Variants in LIN28B observed in about 807,000 individuals in gnomAD.
LIN28B encodes the protein protein lin-28 homolog B.
Under a neutral mutation model 21.9 loss-of-function variants are expected in LIN28B, and 5 were observed. The ratio of observed to expected loss-of-function variants is 0.23; its 90% CI spans 0.12 to 0.48. LIN28B has a LOEUF of 0.48. LIN28B is among the 20% of genes least tolerant of loss of function. The pLI is 0.98. For synonymous variants in LIN28B, 109 were observed against 111.3 expected (o/e 0.98, Z 0.13); for missense variants, 245 against 310.5 (o/e 0.79, Z 1.58).
At chr6:105,048,266 A>G (rs1798109134) in intron 3 of LIN28B, among the ~76,000 whole-genome samples, 2 of 152,192 alleles carry the variant, frequency 1.3e-5, no homozygotes. Context: ...TTCTGCATCT[A>G]TTGAGATAAT....
At chr6:105,017,010 T>C (rs1771042384) in intron 2 of LIN28B, among the ~76,000 whole-genome samples, 1 of 144,076 alleles carries the variant, frequency 6.9e-6, no homozygotes, top group Admixed American at 7.3e-5. Context: ...GTGGTAGAGG[T>C]TGGAGTGAGC....
intron 2 of LIN28B, among the ~76,000 whole-genome samples, chr6:104,965,031 T>A (rs772075558): frequency 2.0e-5 from 3 of 152,198 alleles, no homozygotes; most frequent in Non-Finnish European, 4.4e-5. Flanking sequence ...AATAAACTAA[T>A]GTAAACTGGT....
In LIN28B at chr6:105,046,903, G is replaced by C. The variant is rs562241601; in HGVS notation, c.383+20421G>C. On this transcript the variant is annotated intron_variant, in intron 3 of 3. Coordinates refer to ENST00000345080, the MANE Select transcript of LIN28B (RefSeq NM_001004317.4). ...TGTAAATTTGTTTGAGTTCTTTGTA[G>C]ATTCTGGATATTAGCCCTTTGTCAG... Among the ~76,000 whole-genome samples the C allele has an allele frequency of 2.2e-4, 33 of 152,232 alleles. No homozygotes were observed. In the East Asian group the frequency reaches 5.0e-3, roughly 23 times the overall value.
At chr6:104,989,515 G>A (rs1180220378) in intron 2 of LIN28B, among the ~76,000 whole-genome samples, 1 of 149,548 alleles carries the variant, frequency 6.7e-6, no homozygotes, top group African/African-American at 2.5e-5. Context: ...GAGCCACCAT[G>A]CCTGGTCCCA....
chr6:105,076,225 CTT>C (rs1481381278), intron 3 of LIN28B, among the ~76,000 whole-genome samples: 1 of 151,876 alleles, frequency 6.6e-6, no homozygotes, highest in African/African-American at 2.4e-5. Context: ...CATGTGATTT[CTT>C]GTTTTTTTTT....
intron 2 of LIN28B, among the ~76,000 whole-genome samples, chr6:104,971,819 T>G (rs1216991033): frequency 6.6e-6 from 1 of 152,210 alleles, no homozygotes; most frequent in African/African-American, 2.4e-5. Flanking sequence ...TGGAAAGGTT[T>G]AGGATAGTAA....
chr6:105,023,228 A>T (rs11757817), intron 2 of LIN28B, among the ~76,000 whole-genome samples: 52 of 70,788 alleles, frequency 7.3e-4, no homozygotes, highest in Middle Eastern at 6.1e-3. Context: ...TATATATATA[A>T]TATATATTAT....
chr6:105,049,654 T>A (rs1200821262), intron 3 of LIN28B, among the ~76,000 whole-genome samples: 2 of 152,148 alleles, frequency 1.3e-5, no homozygotes, highest in East Asian at 1.9e-4. Flanking sequence ...TTTGTAGTTC[T>A]CTAAGGACTT....
At chr6:105,053,572 T>A (rs1771956383) in intron 3 of LIN28B, among the ~76,000 whole-genome samples, 1 of 152,222 alleles carries the variant, frequency 6.6e-6, no homozygotes, top group South Asian at 2.1e-4. Flanking sequence ...GCATATTATG[T>A]CTTCCTGATG....
At position 105,078,670 on chromosome 6, in the gene LIN28B, A is replaced by C. The variant is rs773984285; in HGVS notation, c.640A>C (p.Ile214Leu). ...PPFPQEARAE[I>L]SERSGRSPQE... ...GTTTCCTCAGGAGGCTAGGGCAGAGATCTCAGAACGGTCAGGCAGGTCACC... is the reference window on the plus strand; with the variant it reads ...GTTTCCTCAGGAGGCTAGGGCAGAGCTCTCAGAACGGTCAGGCAGGTCACC... Residue 214 changes from isoleucine (I) to leucine (L), a missense_variant, in exon 4 of 4, where the codon ATC becomes CTC. Coordinates refer to ENST00000345080, the MANE Select transcript of LIN28B (RefSeq NM_001004317.4). The C allele has an allele frequency of 6.2e-7, 1 of 1,614,118 alleles. No individual in the cohort carries two copies. Among genetic ancestry groups the C allele is most frequent in the African/African-American group, 1.3e-5 (1 of 75,028 alleles).
chr6:104,994,314 T>C (rs1770556784), intron 2 of LIN28B, among the ~76,000 whole-genome samples: 1 of 152,226 alleles, frequency 6.6e-6, no homozygotes, highest in Non-Finnish European at 1.5e-5. Flanking sequence ...GATAAAAACA[T>C]TTTTTAACTT....
intron 2 of LIN28B, among the ~76,000 whole-genome samples, chr6:104,963,464 A>G (rs987625590): frequency 1.3e-5 from 2 of 152,218 alleles, no homozygotes; most frequent in East Asian, 3.8e-4. Flanking sequence ...AGTCCTACAA[A>G]GACATTCTGA....
At chr6:104,944,263 G>A (rs943866748) in intron 2 of LIN28B, among the ~76,000 whole-genome samples, 3 of 152,018 alleles carry the variant, frequency 2.0e-5, no homozygotes, top group East Asian at 3.9e-4. Context: ...TAGGATCAAT[G>A]CTAGAGGTTT....
At chr6:104,999,571 A>G (rs892160762) in intron 2 of LIN28B, among the ~76,000 whole-genome samples, 2 of 152,250 alleles carry the variant, frequency 1.3e-5, no homozygotes, top group African/African-American at 2.4e-5. Context: ...AATTAGAAAC[A>G]TGTTCATCAT....
In LIN28B at chr6:104,937,823, T is replaced by A. The variant is rs369928327; in HGVS notation, c.18+707T>A. Among the ~76,000 whole-genome samples, 19 of 152,088 alleles carry A rather than the reference T, an allele frequency of 1.2e-4. No homozygotes were observed. In the East Asian group the frequency reaches 2.5e-3, roughly 20 times the overall value. ...TCAGATGCATTCATTAAAAAGCATTTCTTACACACTACCATATTCTAGGAA... is the reference window on the plus strand; with the variant it reads ...TCAGATGCATTCATTAAAAAGCATTACTTACACACTACCATATTCTAGGAA... On this transcript the variant is annotated intron_variant, in intron 2 of 5. Transcript: ENST00000635857.
At chr6:105,057,234 C>T (rs553437124) in intron 3 of LIN28B, among the ~76,000 whole-genome samples, 49 of 152,054 alleles carry the variant, frequency 3.2e-4, no homozygotes, top group Non-Finnish European at 6.5e-4. Flanking sequence ...TTTTCCAATC[C>T]ATCAGCTATT....
intron 3 of LIN28B, 97 bp from the exon 4 acceptor site, chr6:105,078,317 T>C: frequency 9.1e-7 from 1 of 1,100,756 alleles, no homozygotes; most frequent in Non-Finnish European, 1.3e-6. Context: ...TAAAATAAGC[T>C]TATCTCATTG....
intron 2 of LIN28B, among the ~76,000 whole-genome samples, chr6:104,988,044 A>G (rs1395015512): frequency 6.6e-6 from 1 of 152,100 alleles, no homozygotes; most frequent in Non-Finnish European, 1.5e-5. Flanking sequence ...GTTCCCGGCC[A>G]TCAATATTCT....
At chr6:104,998,668 C>A (rs948041867) in intron 2 of LIN28B, among the ~76,000 whole-genome samples, 1 of 151,838 alleles carries the variant, frequency 6.6e-6, no homozygotes, top group Non-Finnish European at 1.5e-5. Context: ...ATTTAGATAA[C>A]CTATTATTTA....
Sources: allele counts gnomAD v4.1 joint callset (sites outside exome capture counted in the v4.1 genomes callset), GRCh38; gene constraint gnomAD v4.1.1; transcripts MANE v1.5; gene names NCBI Gene and HGNC (gene_info 2026-07-23, HGNC 2026-07-21).